Variants in SUMF1 observed in about 807,000 individuals in gnomAD.
The protein encoded by SUMF1 is formylglycine-generating enzyme.
Under a neutral mutation model 47.6 loss-of-function variants are expected in SUMF1, and 48 were observed. The ratio of observed to expected loss-of-function variants is 1.01; its 90% CI spans 0.80 to 1.28. The LOEUF (loss-of-function observed/expected upper bound fraction) is 1.28. SUMF1 is among the 50% of genes most tolerant of loss of function. The pLI, the probability that SUMF1 is intolerant of heterozygous loss-of-function variation, is 0.00. For synonymous variants in SUMF1, 230 were observed against 192.1 expected (o/e 1.20, Z -1.63); for missense variants, 571 against 485.4 (o/e 1.18, Z -1.66).
chr3:4,392,844 A>C (rs1217006812), intron 7 of SUMF1, among the ~76,000 whole-genome samples: 1 of 143,446 alleles, frequency 7.0e-6, no homozygotes, highest in East Asian at 2.0e-4. Context: ...TTTTTTTTTC[A>C]ATTCCATTGA....
chr3:4,425,012 T>C lies in SUMF1; in HGVS notation c.520-4866A>G, dbSNP rs1438247272. 2.0e-5 allele frequency among the ~76,000 whole-genome samples: 3 copies of C among 152,168 alleles called. No homozygotes were observed. In the East Asian group the frequency reaches 5.8e-4, roughly 29 times the overall value. On this transcript the variant is annotated intron_variant, in intron 3 of 8. Transcript: ENST00000272902. ...CACCAGATGCCAGTTGCATCCTTCT[T>C]CTCCCATGCCAACTGCGGCAGACAA...
intron 4 of SUMF1, among the ~76,000 whole-genome samples, chr3:4,418,984 A>G (rs1575198992): frequency 6.6e-6 from 1 of 152,190 alleles, no homozygotes; most frequent in East Asian, 1.9e-4. Context: ...CACAGTAATT[A>G]CACCAGGCCT....
chr3:4,280,120 G>A (rs546026617), intron 8 of SUMF1, among the ~76,000 whole-genome samples: 35 of 152,202 alleles, frequency 2.3e-4, no homozygotes, highest in African/African-American at 7.5e-4. Context: ...GTTATGTGAG[G>A]TAGTACAGAT....
intron 8 of SUMF1, among the ~76,000 whole-genome samples, chr3:4,263,389 C>T (rs1697125307): frequency 6.6e-6 from 1 of 152,112 alleles, no homozygotes; most frequent in African/African-American, 2.4e-5. Flanking sequence ...TTCAAAAAAT[C>T]CAAGAAAAAG....
At chr3:4,266,779 G>C (rs1202628954) in intron 8 of SUMF1, among the ~76,000 whole-genome samples, 3 of 148,704 alleles carry the variant, frequency 2.0e-5, no homozygotes, top group East Asian at 2.0e-4. Flanking sequence ...GGAGTGGTGA[G>C]AGAGGGCATC....
intron 9 of SUMF1, among the ~76,000 whole-genome samples, chr3:4,061,681 A>G (rs1695278627): frequency 6.6e-6 from 1 of 152,082 alleles, no homozygotes. Context: ...GGTGGGGGAC[A>G]CATAAGGGAG....
chr3:4,204,665 CT>C (rs1695612833), intron 8 of SUMF1, among the ~76,000 whole-genome samples: 1 of 151,902 alleles, frequency 6.6e-6, no homozygotes, highest in African/African-American at 2.4e-5. Flanking sequence ...TGCTTCATGC[CT>C]TTTCTTTTTT....
intron 3 of SUMF1, among the ~76,000 whole-genome samples, chr3:4,445,288 A>C (rs1192914889): frequency 6.6e-6 from 1 of 152,186 alleles, no homozygotes; most frequent in East Asian, 1.9e-4. Flanking sequence ...CCAAACCTTC[A>C]AAAGGGATCA....
chr3:4,103,243 A>G (rs947566890), intron 8 of SUMF1, among the ~76,000 whole-genome samples: 2 of 152,024 alleles, frequency 1.3e-5, no homozygotes, highest in Non-Finnish European at 2.9e-5. Context: ...AGCATAAAAA[A>G]AAAAAGAAAG....
chr3:4,236,162 C>A lies in SUMF1; in HGVS notation c.1014+140168G>T, dbSNP rs149552903. ...TGTTGCCCAGGCTGGTCTTGAACTT[C>A]TGGGCTAAAGTGATCCTTCCACCTA... On this transcript the variant is annotated intron_variant and NMD_transcript_variant, in intron 8 of 12. Transcript: ENST00000448413. 9.9e-4 allele frequency among the ~76,000 whole-genome samples: 150 copies of A among 152,134 alleles called. 1 individual carries two copies. The highest frequency in any genetic ancestry group is 3.4e-3 in the African/African-American group (141 of 41,524).
intron 8 of SUMF1, among the ~76,000 whole-genome samples, chr3:4,284,839 A>G (rs758289246): frequency 1.3e-5 from 2 of 152,202 alleles, no homozygotes; most frequent in Admixed American, 1.3e-4. Flanking sequence ...AGATAAAGGG[A>G]TTATTTAATA....
intron 8 of SUMF1, among the ~76,000 whole-genome samples, chr3:4,073,628 C>A (rs868411678): frequency 8.6e-5 from 13 of 151,980 alleles, no homozygotes; most frequent in African/African-American, 3.1e-4. Context: ...TCAAAATAAA[C>A]GTATGGGGGA....
At chr3:4,244,624 T>C (rs867962189) in intron 8 of SUMF1, among the ~76,000 whole-genome samples, 12 of 152,198 alleles carry the variant, frequency 7.9e-5, no homozygotes, top group Admixed American at 5.9e-4. Context: ...CAGAGAGATT[T>C]GCTGTTCGTC....
At chr3:4,395,352 TG>T (rs1701007400) in intron 7 of SUMF1, among the ~76,000 whole-genome samples, 1 of 152,120 alleles carries the variant, frequency 6.6e-6, no homozygotes, top group Admixed American at 6.6e-5. Context: ...ATGTCCAACG[TG>T]AAAAAATATT....
At chr3:4,314,567 TTTTTCA>T (rs3840222) in intron 8 of SUMF1, among the ~76,000 whole-genome samples, 68,687 of 151,432 alleles carry the variant, frequency 0.45, 19,127 homozygotes, top group African/African-American at 0.8. Context: ...ACATTGTAAA[TTTTTCA>T]TTTTCATTAT....
At chr3:4,351,358 G>T (rs982220899) in intron 8 of SUMF1, among the ~76,000 whole-genome samples, 1 of 152,176 alleles carries the variant, frequency 6.6e-6, no homozygotes, top group African/African-American at 2.4e-5. Flanking sequence ...GTTAGGAGAA[G>T]CAAGTAAGAA....
chr3:4,147,471 G>C (rs886464066), intron 8 of SUMF1, among the ~76,000 whole-genome samples: 1 of 151,976 alleles, frequency 6.6e-6, no homozygotes, highest in Non-Finnish European at 1.5e-5. Flanking sequence ...TTTTTTTATA[G>C]GTGAGAAATC....
At chr3:4,365,205 G>A in intron 8 of SUMF1, among the ~76,000 whole-genome samples, 1 of 122,634 alleles carries the variant, frequency 8.2e-6, no homozygotes, top group Non-Finnish European at 1.9e-5. Context: ...GATTTGGGGT[G>A]GAGAGTTCTG....
rs112166849 is a variant in SUMF1 at position 4,149,380 on chromosome 3, C to T, written c.1015-80635G>A. 2.8e-4 allele frequency among the ~76,000 whole-genome samples: 42 copies of T among 152,234 alleles called. 3 individuals carry two copies. The highest frequency in any genetic ancestry group is 9.9e-4 in the African/African-American group (41 of 41,538). On this transcript the variant is annotated intron_variant and NMD_transcript_variant, in intron 8 of 12. Transcript: ENST00000448413. The stretch of plus-strand genomic sequence containing the variant: ...ACACCATTTTCTCCTTAAACATGCA[C>T]TTCAAAACCTTATTCAGCATAGGAT...
Sources: allele counts gnomAD v4.1 joint callset (sites outside exome capture counted in the v4.1 genomes callset), GRCh38; gene constraint gnomAD v4.1.1; transcripts MANE v1.5; gene names NCBI Gene and HGNC (gene_info 2026-07-23, HGNC 2026-07-21).